RBL1: variants seen among roughly 807,000 people sequenced by gnomAD.
The protein encoded by RBL1 is RB transcriptional corepressor like 1.
In RBL1, 82 loss-of-function variants were observed where a neutral mutation model predicts 123.0. The observed-to-expected ratio is 0.67, with a 90% CI of 0.56 to 0.80. The LOEUF (loss-of-function observed/expected upper bound fraction) is 0.80. RBL1 is among the 30% of genes least tolerant of loss of function. The pLI is 0.00. For missense variants in RBL1, 1,171 were observed against 1,299.6 expected, an observed-to-expected ratio of 0.90 and a Z score of 1.52; for synonymous variants, 405 against 441.3, an observed-to-expected ratio of 0.92 and a Z score of 1.03.
intron 21 of RBL1, among the ~76,000 whole-genome samples, chr20:37,002,330 TTATC>T (rs2063998355): frequency 7.1e-6 from 1 of 140,346 alleles, no homozygotes; most frequent in African/African-American, 2.6e-5. Context: ...GTGCCTAGCC[TTATC>T]TGTTTTTTTT....
intron 1 of RBL1, among the ~76,000 whole-genome samples, chr20:37,091,368 A>C (rs1199222643): frequency 6.6e-6 from 1 of 151,596 alleles, no homozygotes; most frequent in Non-Finnish European, 1.5e-5. Context: ...CAAAAAAAAA[A>C]ACAAGAATTA....
At chr20:37,037,069 C>T (rs1001647073) in intron 14 of RBL1, among the ~76,000 whole-genome samples, 3 of 152,172 alleles carry the variant, frequency 2.0e-5, no homozygotes, top group African/African-American at 7.2e-5. Flanking sequence ...ATGAAAGCAG[C>T]TTTTACTTCT....
chr20:37,041,407 C>T (rs1215870995), intron 13 of RBL1, among the ~76,000 whole-genome samples: 12 of 152,130 alleles, frequency 7.9e-5, no homozygotes, highest in Admixed American at 4.6e-4. Context: ...CTGCAACCTC[C>T]GCCTCCTGGG....
intron 16 of RBL1, among the ~76,000 whole-genome samples, chr20:37,031,062 A>C (rs1282697264): frequency 6.6e-6 from 1 of 152,062 alleles, no homozygotes; most frequent in African/African-American, 2.4e-5. Flanking sequence ...AAATAGACAT[A>C]ATAAATATAA....
At chr20:37,080,441 G>C (rs557126114) in intron 2 of RBL1, among the ~76,000 whole-genome samples, 1 of 149,952 alleles carries the variant, frequency 6.7e-6, no homozygotes, top group South Asian at 2.1e-4. Flanking sequence ...GCCTGGTCCC[G>C]CCGCAATTTA....
chr20:37,046,289 T>C (rs748145000), intron 12 of RBL1, among the ~76,000 whole-genome samples: 13 of 152,234 alleles, frequency 8.5e-5, no homozygotes, highest in Admixed American at 2.0e-4. Flanking sequence ...TTCATAAATA[T>C]GGAAAATTTG....
At chr20:37,053,953 A>G (rs1294940850) in intron 11 of RBL1, among the ~76,000 whole-genome samples, 2 of 152,162 alleles carry the variant, frequency 1.3e-5, no homozygotes, top group Admixed American at 6.6e-5. Context: ...ATAAAGGGGT[A>G]GCAGGAAGGA....
intron 2 of RBL1, among the ~76,000 whole-genome samples, chr20:37,077,733 G>T (rs1600590935): frequency 6.7e-6 from 1 of 148,406 alleles, no homozygotes; most frequent in East Asian, 2.0e-4. Context: ...CCATTTGAGA[G>T]TCACGTTTAG....
At chr20:37,041,205 G>C (rs1206149391) in intron 13 of RBL1, among the ~76,000 whole-genome samples, 1 of 151,964 alleles carries the variant, frequency 6.6e-6, no homozygotes, top group Non-Finnish European at 1.5e-5. Flanking sequence ...AAAGACACGA[G>C]TTACAAAAGA....
intron 17 of RBL1, among the ~76,000 whole-genome samples, chr20:37,022,250 T>C (rs1286228240): frequency 6.6e-6 from 1 of 152,200 alleles, no homozygotes; most frequent in Non-Finnish European, 1.5e-5. Context: ...TTAAAACACG[T>C]TGTAGCAACT....
chr20:37,093,346 T>C (rs1363941099), intron 1 of RBL1, among the ~76,000 whole-genome samples: 1 of 151,962 alleles, frequency 6.6e-6, no homozygotes, highest in Non-Finnish European at 1.5e-5. Context: ...TTGTGCTTTC[T>C]AAAGCAAGCA....
intron 20 of RBL1, among the ~76,000 whole-genome samples, chr20:37,006,854 AAG>A (rs2064082211): frequency 1.3e-5 from 2 of 151,458 alleles, no homozygotes; most frequent in African/African-American, 2.4e-5. Context: ...AAAAAAAAAA[AAG>A]AAAACAAAAA....
chr20:37,034,852 T>G (rs539865854), intron 15 of RBL1, among the ~76,000 whole-genome samples: 1 of 152,236 alleles, frequency 6.6e-6, no homozygotes, highest in African/African-American at 2.4e-5. Context: ...GGAGCTATAG[T>G]GACAGATACA....
chr20:37,054,067 T>C (rs1286409694), intron 11 of RBL1, among the ~76,000 whole-genome samples: 2 of 152,016 alleles, frequency 1.3e-5, no homozygotes, highest in Admixed American at 6.6e-5. Context: ...ACTGTTTTAA[T>C]GTCAATTCCC....
chr20:37,068,911 C>G (rs2146306270), intron 2 of RBL1, among the ~76,000 whole-genome samples: 1 of 152,390 alleles, frequency 6.6e-6, no homozygotes, highest in South Asian at 2.1e-4. Flanking sequence ...CGAAGCTGGA[C>G]TGTACTGCTG....
At chr20:37,041,865 T>C (rs2064733429) in intron 13 of RBL1, among the ~76,000 whole-genome samples, 1 of 151,692 alleles carries the variant, frequency 6.6e-6, no homozygotes, top group Non-Finnish European at 1.5e-5. Context: ...TCCCAGCACT[T>C]TGGAAGACCA....
intron 19 of RBL1, among the ~76,000 whole-genome samples, chr20:37,010,861 G>C (rs1036002031): frequency 6.6e-6 from 1 of 151,918 alleles, no homozygotes; most frequent in Non-Finnish European, 1.5e-5. Flanking sequence ...TATCACCCAG[G>C]CTGAAGTGCA....
intron 16 of RBL1, among the ~76,000 whole-genome samples, chr20:37,031,905 C>CTTTTTT (rs763127111): frequency 1.5e-5 from 2 of 130,020 alleles, no homozygotes; most frequent in Non-Finnish European, 3.3e-5. Flanking sequence ...TACCTGGCTG[C>CTTTTTT]TTTTTTTTTT....
At chr20:37,056,771 T>C (rs1233197293) in intron 9 of RBL1, among the ~76,000 whole-genome samples, 1 of 152,198 alleles carries the variant, frequency 6.6e-6, no homozygotes, top group African/African-American at 2.4e-5. Context: ...AATTATATAA[T>C]AAAAATACAG....
Sources: gnomAD v4.1 joint callset for allele counts (sites outside exome capture counted in the v4.1 genomes callset) on GRCh38, gnomAD v4.1.1 for gene constraint, MANE v1.5 for transcripts, NCBI Gene and HGNC (gene_info 2026-07-23, HGNC 2026-07-21) for gene names.